The following HSDL2 variants were observed in gnomAD, a reference collection of about 807,000 sequenced individuals.
HSDL2 encodes hydroxysteroid dehydrogenase like 2.
HSDL2 carries 27 observed loss-of-function variants against 46.3 expected under a neutral mutation model. The ratio of observed to expected loss-of-function variants is 0.58; its 90% confidence interval spans 0.43 to 0.80. The LOEUF (loss-of-function observed/expected upper bound fraction) is 0.80, where lower values mean the gene tolerates loss of function less well. Among genes scored for constraint, HSDL2 ranks in the 30% least tolerant of loss-of-function variants. The pLI, the probability that HSDL2 is intolerant of heterozygous loss-of-function variation, is 0.00. For missense variants in HSDL2, 451 were observed against 502.7 expected (o/e 0.90, Z 0.98); for synonymous variants, 153 against 163.6 (o/e 0.94, Z 0.50).
At chr9:112,407,262 G>A (rs1831752600) in intron 3 of HSDL2, among the ~76,000 whole-genome samples, 1 of 152,110 alleles carries the variant, frequency 6.6e-6, no homozygotes, top group African/African-American at 2.4e-5. Flanking sequence ...TCAAATGCAG[G>A]ATATTTTATC....
At chr9:112,438,066 C>A (rs1011606792) in intron 6 of HSDL2, among the ~76,000 whole-genome samples, 1 of 152,022 alleles carries the variant, frequency 6.6e-6, no homozygotes, top group Admixed American at 6.6e-5. Context: ...CATGGTGAAA[C>A]CCCGTTTCTA....
rs767502815 is a variant in HSDL2 at position 112,459,501 on chromosome 9, C to A, written c.1068C>A (p.Val356=). Residue 356 remains valine, a synonymous_variant, in exon 10 of 11, where the codon GTC becomes GTA. Coordinates refer to ENST00000398805, the MANE Select transcript of HSDL2 (RefSeq NM_032303.5). The stretch of plus-strand genomic sequence containing the variant: ...ATCTGAAAAGCAAGGGTGGGAATGT[C>A]GGATATGGAGAGCCTTCTGATCAGG... ...FLDLKSKGGN[V]GYGEPSDQAD... is the part of the protein sequence containing the mutation. 15 of 1,613,652 alleles carry A rather than the reference C, an allele frequency of 9.3e-6. No homozygotes were observed. The South Asian group carries it at 1.6e-4, about 18-fold the overall frequency.
chr9:112,457,391 C>T (rs1300310151), intron 9 of HSDL2, among the ~76,000 whole-genome samples: 5 of 152,098 alleles, frequency 3.3e-5, no homozygotes, highest in African/African-American at 1.2e-4. Flanking sequence ...TAAACGTTGC[C>T]TGTAATCCCA....
chr9:112,471,484 G>C lies in HSDL2; in HGVS notation c.*940G>C, dbSNP rs558069724. 6.6e-6 allele frequency: 1 copy of C among 152,470 alleles called. No individual in the cohort carries two copies. Among genetic ancestry groups the C allele is most frequent in the South Asian group, 2.1e-4 (1 of 4,834 alleles). The allele number at this position is 152,470 out of a possible 1,614,324, so 9.4% of individuals were successfully genotyped here. On this transcript the variant is annotated 3_prime_UTR_variant, in exon 11 of 11. Transcript: ENST00000398805. ...GAGAAGGCAGTTATCTGCAAGCAAA[G>C]AGAGAGGCTTCAGAAGAAACAAAAT... is the stretch of plus-strand genomic sequence containing the variant.
intron 8 of HSDL2, among the ~76,000 whole-genome samples, chr9:112,449,061 T>A (rs937015360): frequency 6.7e-6 from 1 of 149,254 alleles, no homozygotes; most frequent in Non-Finnish European, 1.5e-5. Context: ...GTTTTCAAAC[T>A]GTTTTATCTC....
At chr9:112,433,535 G>C (rs148207288) in intron 6 of HSDL2, among the ~76,000 whole-genome samples, 22 of 152,310 alleles carry the variant, frequency 1.4e-4, no homozygotes, top group African/African-American at 5.1e-4. Flanking sequence ...TATGGTTGCT[G>C]ATGAGGTTTA....
chr9:112,402,814 G>A lies in HSDL2; in HGVS notation c.18-1181G>A, dbSNP rs374542842. On this transcript the variant is annotated intron_variant, in intron 1 of 10. Transcript: ENST00000398805. ...CCCACGCCTGTAGTCCCAGCTACTT[G>A]GGAGGCTGAAGCAGGAGAATTGTTT... Among the ~76,000 whole-genome samples the A allele has an allele frequency of 2.8e-4, 42 of 152,236 alleles. No individual in the cohort carries two copies. In the South Asian group the frequency reaches 8.5e-3, roughly 31 times the overall value.
chr9:112,468,607 CCCT>C lies in HSDL2; in HGVS notation c.1145-1823_1145-1821del, dbSNP rs1449214057. Among the ~76,000 whole-genome samples, 21 of 151,994 alleles carry C rather than the reference CCCT, an allele frequency of 1.4e-4. No individual in the cohort carries two copies. In the East Asian group the frequency reaches 2.7e-3, roughly 20 times the overall value. ...TTCTCCTCTCTCCCTCTCCTTCATC[CCCT>C]CTTCTTCTCCTCTCTCCTTCCTGTG... On this transcript the variant is annotated intron_variant, in intron 10 of 10. Transcript: ENST00000398805.
chr9:112,447,918 G>A (rs1832788318), intron 8 of HSDL2, among the ~76,000 whole-genome samples: 1 of 152,106 alleles, frequency 6.6e-6, no homozygotes, highest in Non-Finnish European at 1.5e-5. Flanking sequence ...TGAGTTTTTT[G>A]TTGTTGTTTT....
At chr9:112,387,057 T>A (rs759777447) in intron 1 of HSDL2, among the ~76,000 whole-genome samples, 2 of 152,202 alleles carry the variant, frequency 1.3e-5, no homozygotes, top group Non-Finnish European at 2.9e-5. Context: ...GAGATAGTTA[T>A]AAAAGTTTGA....
chr9:112,442,756 T>C (rs1832669593), intron 8 of HSDL2, among the ~76,000 whole-genome samples: 2 of 152,090 alleles, frequency 1.3e-5, no homozygotes, highest in East Asian at 1.9e-4. Flanking sequence ...TTTTTTTTTT[T>C]AGAAGTCTGA....
intron 9 of HSDL2, among the ~76,000 whole-genome samples, chr9:112,455,418 T>A (rs1832994568): frequency 6.6e-6 from 1 of 152,204 alleles, no homozygotes; most frequent in African/African-American, 2.4e-5. Context: ...ATGGCTTTAG[T>A]CACTCTCTTG....
intron 6 of HSDL2, among the ~76,000 whole-genome samples, chr9:112,436,955 TTTTTC>T (rs1391079267): frequency 3.3e-5 from 4 of 122,064 alleles, no homozygotes; most frequent in Non-Finnish European, 6.9e-5. Context: ...TTCTTTTCTT[TTTTTC>T]TTTTTTTTTT....
chr9:112,442,268 CAAAAAAAAAAAAAAA>C (rs71382431), intron 8 of HSDL2, among the ~76,000 whole-genome samples: 12 of 47,442 alleles, frequency 2.5e-4, no homozygotes, highest in African/African-American at 8.6e-4. Flanking sequence ...GACCCTGTCT[CAAAAAAAAAAAAAAA>C]AAAAAAAAAA....
chr9:112,418,768 A>G (rs1420389503), intron 5 of HSDL2, 92 bp from the exon 6 acceptor site: 15 of 552,898 alleles, frequency 2.7e-5, no homozygotes, highest in South Asian at 2.5e-4. Flanking sequence ...TCAGGAAGAA[A>G]ATAGTAATAG....
intron 6 of HSDL2, among the ~76,000 whole-genome samples, chr9:112,425,695 A>G (rs1373536563): frequency 1.3e-5 from 2 of 152,122 alleles, no homozygotes; most frequent in African/African-American, 4.8e-5. Context: ...TTAACCATAT[A>G]ATATAGTTCA....
At chr9:112,389,070 C>T (rs1209419450) in intron 1 of HSDL2, among the ~76,000 whole-genome samples, 1 of 151,808 alleles carries the variant, frequency 6.6e-6, no homozygotes, top group East Asian at 1.9e-4. Context: ...CTCTGTTTCC[C>T]AGGCTAGAGT....
In HSDL2 at chr9:112,454,069, G is replaced by A; in HGVS notation, c.922G>A (p.Gly308Arg). 1 of 1,613,982 alleles carries A rather than the reference G, an allele frequency of 6.2e-7. No individual in the cohort carries two copies. Among genetic ancestry groups the A allele is most frequent in the South Asian group, 1.1e-5 (1 of 91,080 alleles). The change falls in exon 9 of 11, where the codon GGA becomes AGA. Residue 308 changes from glycine (G) to arginine (R), a missense_variant. Coordinates refer to ENST00000398805, the MANE Select transcript of HSDL2 (RefSeq NM_032303.5). ...KLQLQPKPRS[G>R]AVEETFRIVK... ...GCAGCTGCAACCAAAACCACGTTCT[G>A]GAGCTGTGGAAGAAACATTTAGAAT...
chr9:112,441,222 G>A (rs1413245999), intron 7 of HSDL2, among the ~76,000 whole-genome samples: 1 of 152,000 alleles, frequency 6.6e-6, no homozygotes, highest in Non-Finnish European at 1.5e-5. Flanking sequence ...TAACCCAGTG[G>A]AATAGGATGG....
Sources: gnomAD v4.1 joint callset for allele counts (sites outside exome capture counted in the v4.1 genomes callset) on GRCh38, gnomAD v4.1.1 for gene constraint, MANE v1.5 for transcripts, NCBI Gene and HGNC (gene_info 2026-07-23, HGNC 2026-07-21) for gene names.